The following ATP6V1C2 variants were observed in gnomAD, a reference collection of about 807,000 sequenced individuals.
ATP6V1C2 encodes the protein V-type proton ATPase subunit C 2.
In ATP6V1C2, 45 loss-of-function variants were observed where a neutral mutation model predicts 56.8. That is an observed-to-expected ratio of 0.79 (90% CI 0.62 to 1.02). ATP6V1C2 has a LOEUF of 1.02. ATP6V1C2 is among the 50% of genes least tolerant of loss of function. The pLI, the probability that ATP6V1C2 is intolerant of heterozygous loss-of-function variation, is 0.00. For synonymous variants in ATP6V1C2, 220 were observed against 201.3 expected (o/e 1.09, Z -0.79); for missense variants, 463 against 519.7 (o/e 0.89, Z 1.06).
chr2:10,768,605 G>C, intron 5 of ATP6V1C2, 114 bp from the exon 6 acceptor site: 1 of 854,810 alleles, frequency 1.2e-6, no homozygotes, highest in Non-Finnish European at 1.9e-6. Flanking sequence ...CCAGCAAATG[G>C]GCAGGGCAGT....
intron 3 of ATP6V1C2, among the ~76,000 whole-genome samples, chr2:10,737,611 A>G (rs1042040644): frequency 6.6e-6 from 1 of 152,138 alleles, no homozygotes; most frequent in Non-Finnish European, 1.5e-5. Context: ...ACTATCAATG[A>G]ATGTCATATT....
intron 3 of ATP6V1C2, among the ~76,000 whole-genome samples, chr2:10,746,041 G>C (rs540519034): frequency 6.6e-6 from 1 of 152,148 alleles, no homozygotes; most frequent in East Asian, 1.9e-4. Flanking sequence ...CCCACCTTTT[G>C]GTTATTTTTG....
At chr2:10,756,320 A>G (rs1046123944) in intron 4 of ATP6V1C2, among the ~76,000 whole-genome samples, 1 of 150,964 alleles carries the variant, frequency 6.6e-6, no homozygotes, top group Non-Finnish European at 1.5e-5. Flanking sequence ...AGATCGCACC[A>G]TTGCATTCCA....
Position 10,784,220 on chromosome 2 carries a change from C to CAAGAA in ATP6V1C2, c.*965_*969dup, listed in dbSNP as rs1214435021. ...ACTGCTGGAAAAATCCACTGGCTCC[C>CAAGAA]AAGAAAAGAAAATGGTCTGAAGCCT... On this transcript the variant is annotated 3_prime_UTR_variant, in exon 14 of 14. Transcript: ENST00000272238. The CAAGAA allele has an allele frequency of 6.4e-7, 1 of 1,557,092 alleles. No homozygotes were observed. Among genetic ancestry groups the CAAGAA allele is most frequent in the Admixed American group, 1.8e-5 (1 of 55,420 alleles).
Position 10,764,719 on chromosome 2 carries a change from C to T in ATP6V1C2, c.378+294C>T, listed in dbSNP as rs568528994. On this transcript the variant is annotated intron_variant, in intron 5 of 13. Coordinates refer to ENST00000272238, the MANE Select transcript of ATP6V1C2 (RefSeq NM_001039362.2). ...GGGCACGGTGGCTTACGCCTGTAATCCCAGCACTTTGGGAGGCCAAGGTGG... is the reference window on the plus strand; with the variant it reads ...GGGCACGGTGGCTTACGCCTGTAATTCCAGCACTTTGGGAGGCCAAGGTGG... 2.8e-3 allele frequency among the ~76,000 whole-genome samples: 421 copies of T among 152,318 alleles called. 4 individuals are homozygous for T. The highest frequency in any genetic ancestry group is 9.8e-3 in the African/African-American group (409 of 41,560).
chr2:10,772,490 A>G (rs897185562), intron 7 of ATP6V1C2, 52 bp from the exon 8 acceptor site: 1 of 1,479,684 alleles, frequency 6.8e-7, no homozygotes, highest in Non-Finnish European at 9.5e-7. Flanking sequence ...CACTCAGGAC[A>G]CCCACGAGCC....
chr2:10,781,055 G>A (rs1665317624), intron 12 of ATP6V1C2, among the ~76,000 whole-genome samples: 2 of 152,162 alleles, frequency 1.3e-5, no homozygotes, highest in Non-Finnish European at 2.9e-5. Context: ...ATGGTGTCTT[G>A]TTCTGGGCAG....
In ATP6V1C2 at chr2:10,784,398, T is replaced by C. The variant is rs1198873; in HGVS notation, c.*1135T>C. ...CCTGGAAGGTCAACATCTCATTTTATGGAAGAGCGACTCTCTGGAGCTACT... is the reference window on the plus strand; with the variant it reads ...CCTGGAAGGTCAACATCTCATTTTACGGAAGAGCGACTCTCTGGAGCTACT... On this transcript the variant is annotated 3_prime_UTR_variant, in exon 14 of 14. Coordinates refer to ENST00000272238, the MANE Select transcript of ATP6V1C2 (RefSeq NM_001039362.2). 708,395 of 1,239,380 alleles carry C rather than the reference T, an allele frequency of 0.57. 203,225 individuals carry two copies. The highest frequency in any genetic ancestry group is 0.62 in the Middle Eastern group (3,053 of 4,958). 76.8% of individuals were successfully genotyped at this position (1,239,380 alleles called of 1,614,324 possible). A position where few individuals can be genotyped will look rare whatever the true frequency, so the allele number is the denominator to read the frequency against.
In ATP6V1C2 at chr2:10,783,279, C is replaced by T. The variant is rs774816813; in HGVS notation, c.*16C>T. ...TCTTGACTAGAAAGGCCAGCTGGCA[C>T]CTCTGTCTCATGTTCGTGCAGATTA... On this transcript the variant is annotated 3_prime_UTR_variant, in exon 14 of 14. Coordinates refer to ENST00000272238, the MANE Select transcript of ATP6V1C2 (RefSeq NM_001039362.2). The T allele has an allele frequency of 2.3e-5, 36 of 1,558,734 alleles. No individual in the cohort carries two copies. Among genetic ancestry groups the T allele is most frequent in the Non-Finnish European group, 3.2e-5 (36 of 1,129,932 alleles).
intron 5 of ATP6V1C2, among the ~76,000 whole-genome samples, chr2:10,765,996 C>G (rs918168867): frequency 1.4e-4 from 22 of 152,190 alleles, no homozygotes; most frequent in Non-Finnish European, 7.3e-5. Context: ...TCTTACTGTC[C>G]GCCTCATGCC....
intron 4 of ATP6V1C2, chr2:10,757,542 G>C (rs1663627573): frequency 2.5e-6 from 1 of 398,238 alleles, no homozygotes; most frequent in South Asian, 1.3e-4. Context: ...GGTTGTATTG[G>C]TACAGTGATC....
chr2:10,737,212 C>T (rs933094688), intron 3 of ATP6V1C2, among the ~76,000 whole-genome samples: 4 of 146,470 alleles, frequency 2.7e-5, no homozygotes, highest in East Asian at 2.0e-4. Flanking sequence ...GCCAGGAGTT[C>T]GAGACCAGCC....
At chr2:10,758,758 G>A (rs2148469007) in intron 4 of ATP6V1C2, among the ~76,000 whole-genome samples, 1 of 152,034 alleles carries the variant, frequency 6.6e-6, no homozygotes, top group South Asian at 2.1e-4. Flanking sequence ...TGCCTCCTGG[G>A]TTCAAGCAAT....
upstream of ATP6V1C2, chr2:10,721,011 G>GCCCCCCCCCC (rs377253459): frequency 1.3e-5 from 2 of 151,994 alleles, no homozygotes; most frequent in African/African-American, 4.9e-5. Context: ...AGTTGTAACC[G>GCCCCCCCCCC]CCCCCCCACC....
At chr2:10,750,799 G>A (rs983628321) in intron 3 of ATP6V1C2, among the ~76,000 whole-genome samples, 1 of 152,218 alleles carries the variant, frequency 6.6e-6, no homozygotes, top group African/African-American at 2.4e-5. Flanking sequence ...ACAGGTCGCT[G>A]TGAGGATAAA....
intron 3 of ATP6V1C2, among the ~76,000 whole-genome samples, chr2:10,734,687 G>A (rs1438300329): frequency 1.3e-5 from 2 of 152,174 alleles, no homozygotes; most frequent in East Asian, 1.9e-4. Context: ...TGGTCTGCCT[G>A]TCTGGGTCCA....
At chr2:10,778,896 C>T (rs868521554) in intron 12 of ATP6V1C2, among the ~76,000 whole-genome samples, 7 of 152,186 alleles carry the variant, frequency 4.6e-5, no homozygotes, top group Admixed American at 1.3e-4. Flanking sequence ...GGGCAAGTGT[C>T]ACCTGGGTTC....
In ATP6V1C2 at chr2:10,784,888, G is replaced by T; in HGVS notation, c.*1625G>T. On this transcript the variant is annotated 3_prime_UTR_variant, in exon 14 of 14. Coordinates refer to ENST00000272238, the MANE Select transcript of ATP6V1C2 (RefSeq NM_001039362.2). ...TGCAGAGATGCACAGGCTCAAGAGA[G>T]TAAACCAGGACTGCTGCCCGCACAG... 7.4e-7 allele frequency: 1 copy of T among 1,358,712 alleles called. No homozygotes were observed. Among genetic ancestry groups the T allele is most frequent in the Non-Finnish European group, 1.0e-6 (1 of 969,814 alleles). The allele number at this position is 1,358,712 out of a possible 1,614,324, so 84.2% of individuals were successfully genotyped here. A position where few individuals can be genotyped will look rare whatever the true frequency, so the allele number is the denominator to read the frequency against.
Position 10,774,863 on chromosome 2 carries a change from C to G in ATP6V1C2, c.714C>G (p.Thr238=). The part of the protein sequence containing the change: ...LFRKVIEDFK[T]KAKENKFTVR... ...GAAAAGTGATTGAAGATTTCAAAAC[C>G]AAGGCCAAAGAAAACAAGTAAGGGT... The change falls in exon 9 of 14, where the codon ACC becomes ACG. Residue 238 remains threonine, a synonymous_variant. Coordinates refer to ENST00000272238, the MANE Select transcript of ATP6V1C2 (RefSeq NM_001039362.2). 6.2e-7 allele frequency: 1 copy of G among 1,614,174 alleles called. No homozygotes were observed. The highest frequency in any genetic ancestry group is 8.5e-7 in the Non-Finnish European group (1 of 1,180,022).
Sources: allele counts gnomAD v4.1 joint callset (sites outside exome capture counted in the v4.1 genomes callset), GRCh38; gene constraint gnomAD v4.1.1; transcripts MANE v1.5; gene names NCBI Gene and HGNC (gene_info 2026-07-23, HGNC 2026-07-21).